PIGW: variants seen among roughly 807,000 people sequenced by gnomAD.
PIGW encodes glucosaminyl-phosphatidylinositol-acyltransferase PIGW.
A neutral mutation model predicts 34.0 loss-of-function variants in PIGW; 23 were observed. That is an observed-to-expected ratio of 0.68 (90% CI 0.49 to 0.96). The LOEUF (loss-of-function observed/expected upper bound fraction) is 0.96. PIGW is among the 40% of genes least tolerant of loss of function. The pLI, the probability that PIGW is intolerant of heterozygous loss-of-function variation, is 0.00. For synonymous variants in PIGW, 225 were observed against 225.2 expected, an observed-to-expected ratio of 1.00 and a Z score of 0.01; for missense variants, 574 against 586.3, an observed-to-expected ratio of 0.98 and a Z score of 0.22.
rs1427870747 is a variant in PIGW at position 36,538,593 on chromosome 17, G to A, written c.1492G>A (p.Asp498Asn). ...AATTGTATATGTACTATATTTGCAA[G>A]ATAAGACTGTACAATTTTGGTGATC... The part of the protein sequence containing the change: ...CLIVYVLYLQ[D>N]KTVQFW Residue 498 changes from aspartate to asparagine, a missense_variant, in exon 2 of 2, where the codon GAT becomes AAT. Coordinates refer to ENST00000614443, the MANE Select transcript of PIGW (RefSeq NM_001346754.2). 3.7e-6 allele frequency: 6 copies of A among 1,603,588 alleles called. No homozygotes were observed. Among genetic ancestry groups the A allele is most frequent in the Non-Finnish European group, 3.4e-6 (4 of 1,174,182 alleles).
rs766446530 is a variant in PIGW at position 36,537,799 on chromosome 17, G to C, written c.698G>C (p.Gly233Ala). The C allele has an allele frequency of 6.2e-7, 1 of 1,614,090 alleles. No individual in the cohort carries two copies. The highest frequency in any genetic ancestry group is 8.5e-7 in the Non-Finnish European group (1 of 1,179,980). The change falls in exon 2 of 2, where the codon GGA (glycine) becomes GCA (alanine). Residue 233 changes from glycine to alanine, a missense_variant. Coordinates refer to ENST00000614443, the MANE Select transcript of PIGW (RefSeq NM_001346754.2). ...IGYQEHLTEY[G>A]VHWNFFFTII... ...TATCAGGAACATTTAACAGAGTATGGAGTTCACTGGAACTTTTTCTTTACC... is the reference window on the plus strand; with the variant it reads ...TATCAGGAACATTTAACAGAGTATGCAGTTCACTGGAACTTTTTCTTTACC...
At position 36,537,392 on chromosome 17, in the gene PIGW, A is replaced by G. The variant is rs2074156605; in HGVS notation, c.291A>G (p.Ile97Met). The change falls in exon 2 of 2, where the codon ATA becomes ATG. Residue 97 changes from isoleucine to methionine, a missense_variant. Physicochemically the swap from Ile to Met is conservative, Grantham distance 10. Transcript: ENST00000614443. Reference protein sequence around the residue: ...IIFGAGLLYQIYRRRTCYARL... With the variant: ...IIFGAGLLYQMYRRRTCYARL... The stretch of plus-strand genomic sequence containing the variant: ...TTGGGGCAGGGCTGTTGTATCAAAT[A>G]TACCGAAGGAGGACCTGCTATGCCA... 1 of 1,613,880 alleles carries G rather than the reference A, an allele frequency of 6.2e-7. No homozygotes were observed. The highest frequency in any genetic ancestry group is 8.5e-7 in the Non-Finnish European group (1 of 1,180,028).
rs758655367 is a variant in PIGW, at chr17:36,538,164, T to A, written c.1063T>A (p.Tyr355Asn). 4.3e-6 allele frequency: 7 copies of A among 1,614,018 alleles called. No individual in the cohort carries two copies. Among genetic ancestry groups the A allele is most frequent in the South Asian group, 1.1e-5 (1 of 91,078 alleles). Residue 355 changes from tyrosine to asparagine, a missense_variant, in exon 2 of 2, where the codon TAC becomes AAC. Transcript: ENST00000614443. The part of the protein sequence containing the change: ...LAAISLFISL[Y>N]VVQVNVEAVS... ...AGCTATTAGCCTCTTCATATCTCTT[T>A]ACGTAGTTCAAGTAAATGTAGAAGC...
At chr17:36,535,933 T>C (rs2074106773) in intron 1 of PIGW, among the ~76,000 whole-genome samples, 2 of 152,148 alleles carry the variant, frequency 1.3e-5, no homozygotes, top group Non-Finnish European at 2.9e-5. Context: ...TTTTTAATGG[T>C]CAACTGATTT....
At position 36,537,121 on chromosome 17, in the gene PIGW, A is replaced by G; in HGVS notation, c.20A>G (p.Lys7Arg). 1 of 1,593,404 alleles carries G rather than the reference A, an allele frequency of 6.3e-7. No individual in the cohort carries two copies. The highest frequency in any genetic ancestry group is 1.1e-5 in the South Asian group (1 of 87,754). Residue 7 changes from lysine to arginine, a missense_variant, in exon 2 of 2, where the codon AAG becomes AGG. Transcript: ENST00000614443. MSEKQMKEAFVSNLNGT... is the reference protein window; with the variant it reads MSEKQMREAFVSNLNGT... ...AGAAAAATGTCTGAAAAGCAGATGA[A>G]GGAAGCTTTTGTCAGTAACCTCAAT...
chr17:36,537,268 G>A lies in PIGW; in HGVS notation c.167G>A (p.Arg56Lys). 6.2e-7 allele frequency: 1 copy of A among 1,613,886 alleles called. No homozygotes were observed. The highest frequency in any genetic ancestry group is 8.5e-7 in the Non-Finnish European group (1 of 1,180,024). Residue 56 changes from arginine (R) to lysine (K), a missense_variant, in exon 2 of 2, where the codon AGA (arginine) becomes AAA (lysine). Transcript: ENST00000614443. Reference sequence around the variant, plus strand: ...TCTTTTTCACCTACCTGGAAAACTAGATTCCTCACTGACTTTGTTGTCCTA... The same window carrying A: ...TCTTTTTCACCTACCTGGAAAACTAAATTCCTCACTGACTTTGTTGTCCTA... ...LCSFSPTWKT[R>K]FLTDFVVLIV...
At chr17:36,536,994 G>T in intron 1 of PIGW, 100 bp from the exon 2 acceptor site, 1 of 1,036,416 alleles carries the variant, frequency 9.6e-7, no homozygotes, top group Non-Finnish European at 1.4e-6. Context: ...CCAAAGTTCT[G>T]CTCTGAAATC....
chr17:36,537,084 G>C lies in PIGW; in HGVS notation c.-8-10G>C, dbSNP rs753061168. The C allele has an allele frequency of 5.7e-6, 9 of 1,567,304 alleles. No individual in the cohort carries two copies. The highest frequency in any genetic ancestry group is 4.5e-5 in the East Asian group (2 of 44,538). The stretch of plus-strand genomic sequence containing the variant: ...TTCACAAATCCATTCCTTTGCTCTT[G>C]TTTTCACAGGAAGAAAAATGTCTGA... On this transcript the variant is annotated splice_polypyrimidine_tract_variant and intron_variant, in intron 1 of 1. Transcript: ENST00000614443.
Position 36,538,279 on chromosome 17 carries a change from T to A in PIGW, c.1178T>A (p.Ile393Lys). ...CTTAGTAGTTTATTACTGGGTGATATAATTTTGAGTTTTGCCAAATTTCTA... is the reference window on the plus strand; with the variant it reads ...CTTAGTAGTTTATTACTGGGTGATAAAATTTTGAGTTTTGCCAAATTTCTA... ...ILLSSLLLGD[I>K]ILSFAKFLIK... The change falls in exon 2 of 2, where the codon ATA becomes AAA. Residue 393 changes from isoleucine to lysine, a missense_variant. Ile to Lys is a moderately radical substitution (Grantham distance 102, BLOSUM62 -3). Coordinates refer to ENST00000614443, the MANE Select transcript of PIGW (RefSeq NM_001346754.2). 6.2e-7 allele frequency: 1 copy of A among 1,613,374 alleles called. No homozygotes were observed. Among genetic ancestry groups the A allele is most frequent in the Non-Finnish European group, 8.5e-7 (1 of 1,179,870 alleles).
chr17:36,537,508 C>T lies in PIGW; in HGVS notation c.407C>T (p.Thr136Ile), dbSNP rs762208126. Residue 136 changes from threonine to isoleucine, a missense_variant, in exon 2 of 2, where the codon ACC becomes ATC. Coordinates refer to ENST00000614443, the MANE Select transcript of PIGW (RefSeq NM_001346754.2). ...GCCATCTCCTGTTTCCGTGTAATTA[C>T]CAGTGCGTTTACTGCTATTGCTATT... is the stretch of plus-strand genomic sequence containing the variant. ...NPAISCFRVI[T>I]SAFTAIAILA... 2 of 1,614,114 alleles carry T rather than the reference C, an allele frequency of 1.2e-6. No homozygotes were observed. Among genetic ancestry groups the T allele is most frequent in the Admixed American group, 1.7e-5 (1 of 60,012 alleles).
Position 36,537,885 on chromosome 17 carries a change from T to C in PIGW, c.784T>C (p.Trp262Arg). The C allele has an allele frequency of 6.2e-7, 1 of 1,614,170 alleles. No individual in the cohort carries two copies. The highest frequency in any genetic ancestry group is 8.5e-7 in the Non-Finnish European group (1 of 1,180,032). ...GATTATTTTTCCCCTAAATAAGTCC[T>C]GGATTATTGCCCTCGGCATTACTGT... ...LLIIFPLNKS[W>R]IIALGITVLY... The change falls in exon 2 of 2, where the codon TGG becomes CGG. Residue 262 changes from tryptophan to arginine, a missense_variant. Trp to Arg is a moderately radical substitution (Grantham distance 101). Transcript: ENST00000614443.
chr17:36,537,310 C>G lies in PIGW; in HGVS notation c.209C>G (p.Ala70Gly). The change falls in exon 2 of 2, where the codon GCC becomes GGC. Residue 70 changes from alanine (A) to glycine (G), a missense_variant. Transcript: ENST00000614443. ...GTTGTCCTAATAGTTCCCATGGTAG[C>G]CACTTTGACCATTTGGGCTTCATTT... ...DFVVLIVPMV[A>G]TLTIWASFIL... 1 of 1,613,814 alleles carries G rather than the reference C, an allele frequency of 6.2e-7. No individual in the cohort carries two copies. The highest frequency in any genetic ancestry group is 8.5e-7 in the Non-Finnish European group (1 of 1,179,990).
In PIGW at chr17:36,539,046, CA is replaced by C. The variant is rs1230060334; in HGVS notation, c.*431del. ...CTGGGATTACAGGTGTGAGCCACCA[CA>C]CTGGGCCAATGCTTAATATTTTAAT... is the stretch of plus-strand genomic sequence containing the variant. On this transcript the variant is annotated 3_prime_UTR_variant, in exon 2 of 2. Transcript: ENST00000614443. 5.9e-6 allele frequency: 1 copy of C among 170,394 alleles called. No individual in the cohort carries two copies. The highest frequency in any genetic ancestry group is 1.4e-5 in the Non-Finnish European group (1 of 70,586). 10.6% of individuals were successfully genotyped at this position (170,394 alleles called of 1,614,324 possible).
rs1444984264 is a variant in PIGW at position 36,538,340 on chromosome 17, T to C, written c.1239T>C (p.Leu413=). The C allele has an allele frequency of 1.2e-6, 2 of 1,614,046 alleles. No individual in the cohort carries two copies. The highest frequency in any genetic ancestry group is 1.7e-6 in the Non-Finnish European group (2 of 1,180,040). The change falls in exon 2 of 2, where the codon CTT becomes CTC. Residue 413 remains leucine (L), a synonymous_variant. Transcript: ENST00000614443. ...CTCTAGTACCATGTTCTTGGAAACT[T>C]ATCCAGTCACCTGTTACAAATAAAA... ...KGALVPCSWK[L]IQSPVTNKKH...
In PIGW at chr17:36,538,315, C is replaced by T. The variant is rs1344872087; in HGVS notation, c.1214C>T (p.Ala405Val). The part of the protein sequence containing the change: ...LSFAKFLIKG[A>V]LVPCSWKLIQ... ...TTTGCCAAATTTCTAATTAAAGGAG[C>T]TCTAGTACCATGTTCTTGGAAACTT... The change falls in exon 2 of 2, where the codon GCT becomes GTT. Residue 405 changes from alanine (A) to valine (V), a missense_variant. By Grantham distance (64) the Ala-to-Val change is moderately conservative. Coordinates refer to ENST00000614443, the MANE Select transcript of PIGW (RefSeq NM_001346754.2). The T allele has an allele frequency of 6.2e-7, 1 of 1,613,882 alleles. No individual in the cohort carries two copies. The highest frequency in any genetic ancestry group is 8.5e-7 in the Non-Finnish European group (1 of 1,179,968).
chr17:36,538,737 C>T lies in PIGW; in HGVS notation c.*121C>T. On this transcript the variant is annotated 3_prime_UTR_variant, in exon 2 of 2. Transcript: ENST00000614443. The stretch of plus-strand genomic sequence containing the variant: ...TTTATTATAAAATAGTTTCAGTCAT[C>T]TAAACAGCAGTGATGCTTAATTATT... 1.2e-6 allele frequency: 1 copy of T among 858,964 alleles called. No individual in the cohort carries two copies. The highest frequency in any genetic ancestry group is 1.8e-6 in the Non-Finnish European group (1 of 566,100). 53.2% of individuals were successfully genotyped at this position (858,964 alleles called of 1,614,324 possible).
At position 36,535,231 on chromosome 17, in the gene PIGW, G is replaced by GACC. The variant is rs560299374; in HGVS notation, c.-370_-369insACC. 1 of 151,992 alleles carries GACC rather than the reference G, an allele frequency of 6.6e-6. No individual in the cohort carries two copies. Among genetic ancestry groups the GACC allele is most frequent in the African/African-American group, 2.4e-5 (1 of 41,356 alleles). 9.4% of individuals were successfully genotyped at this position (151,992 alleles called of 1,614,324 possible). On this transcript the variant is annotated 5_prime_UTR_variant, in exon 1 of 2. Transcript: ENST00000614443. ...GCGAGTGCGGCGGAGTGTTGTGCGA[G>GACC]GCCGGCGGACACCATTACCCTGATA...
In PIGW at chr17:36,538,852, C is replaced by T; in HGVS notation, c.*236C>T. 5.0e-6 allele frequency: 2 copies of T among 401,922 alleles called. No individual in the cohort carries two copies. Among genetic ancestry groups the T allele is most frequent in the Admixed American group, 8.5e-5 (2 of 23,598 alleles). 24.9% of individuals were successfully genotyped at this position (401,922 alleles called of 1,614,324 possible). ...CACTGCAACCTCCACCTCCCGGGTT[C>T]AAGCAATTCTCCTGCCTCAGCCTCC... On this transcript the variant is annotated 3_prime_UTR_variant, in exon 2 of 2. Transcript: ENST00000614443.
Position 36,538,365 on chromosome 17 carries a change from AAGCATTC to A in PIGW, c.1267_1273del (p.His423AsnfsTer3). 1 of 1,614,174 alleles carries A rather than the reference AAGCATTC, an allele frequency of 6.2e-7. No homozygotes were observed. The highest frequency in any genetic ancestry group is 1.1e-5 in the South Asian group (1 of 91,088). ...TATCCAGTCACCTGTTACAAATAAA[AAGCATTC>A]AGAATCTCTAGTCCCTGAAGCCGAA... On this transcript the variant is annotated frameshift_variant, in exon 2 of 2. Coordinates refer to ENST00000614443, the MANE Select transcript of PIGW (RefSeq NM_001346754.2). LOFTEE classifies it high-confidence loss of function.
Sources: allele counts gnomAD v4.1 joint callset (sites outside exome capture counted in the v4.1 genomes callset), GRCh38; gene constraint gnomAD v4.1.1; transcripts MANE v1.5; gene names NCBI Gene and HGNC (gene_info 2026-07-23, HGNC 2026-07-21).